Variants in SCD5 observed in about 807,000 individuals in gnomAD.
The protein encoded by SCD5 is acyl-CoA-desaturase 4.
A neutral mutation model predicts 30.4 loss-of-function variants in SCD5; 20 were observed. That is an observed-to-expected ratio of 0.66 (90% CI 0.46 to 0.96). The LOEUF is 0.96. Among genes scored for constraint, SCD5 ranks in the 40% least tolerant of loss-of-function variants. The pLI is 0.00. For missense variants in SCD5, 381 were observed against 443.3 expected, an observed-to-expected ratio of 0.86 and a Z score of 1.26; for synonymous variants, 173 against 176.4, an observed-to-expected ratio of 0.98 and a Z score of 0.16.
At chr4:82,683,852 C>T (rs1728634025) in intron 2 of SCD5, among the ~76,000 whole-genome samples, 1 of 152,332 alleles carries the variant, frequency 6.6e-6, no homozygotes, top group South Asian at 2.1e-4. Context: ...TCTCCTTCAC[C>T]TTCCACCGTG....
At chr4:82,684,337 CAA>C (rs1728649552) in intron 2 of SCD5, among the ~76,000 whole-genome samples, 1 of 152,004 alleles carries the variant, frequency 6.6e-6, no homozygotes, top group African/African-American at 2.4e-5. Context: ...AAAAATGACT[CAA>C]AGAATAAGAT....
intron 2 of SCD5, among the ~76,000 whole-genome samples, chr4:82,681,439 G>C (rs1269718798): frequency 1.3e-5 from 2 of 152,152 alleles, no homozygotes; most frequent in Non-Finnish European, 2.9e-5. Flanking sequence ...CATATACCCA[G>C]TAATGGCATT....
Position 82,796,371 on chromosome 4 carries a change from C to G in SCD5, c.232+1935G>C, listed in dbSNP as rs536307032. Among the ~76,000 whole-genome samples the G allele has an allele frequency of 5.9e-5, 9 of 151,986 alleles. No individual in the cohort carries two copies. The South Asian group carries it at 1.5e-3, about 25-fold the overall frequency. ...TGGGACATGAGTCACAAAGGGGAAA[C>G]CAGATTCCTTCAGTGTGTTAACTTC... On this transcript the variant is annotated intron_variant, in intron 1 of 4. Transcript: ENST00000319540.
Position 82,706,595 on chromosome 4 carries a change from A to G in SCD5, c.233-1182T>C, listed in dbSNP as rs148402435. 1.1e-3 allele frequency among the ~76,000 whole-genome samples: 167 copies of G among 152,396 alleles called. 1 individual carries two copies. The highest frequency in any genetic ancestry group is 2.0e-3 in the Non-Finnish European group (137 of 68,044). On this transcript the variant is annotated intron_variant, in intron 1 of 4. Transcript: ENST00000319540. ...CTGCCCTGTCTTCCCAGACATGAGA[A>G]TAAACACCTGAGCCAATCCTTTTCC... is the stretch of plus-strand genomic sequence containing the variant.
chr4:82,739,803 A>G (rs899934969), intron 1 of SCD5, among the ~76,000 whole-genome samples: 1 of 152,256 alleles, frequency 6.6e-6, no homozygotes, highest in Admixed American at 6.5e-5. Context: ...TTTTTTTAGC[A>G]CAGCATATTC....
At chr4:82,667,923 G>A (rs779056634) in intron 3 of SCD5, among the ~76,000 whole-genome samples, 19 of 152,090 alleles carry the variant, frequency 1.2e-4, no homozygotes, top group Non-Finnish European at 2.6e-4. Context: ...TCTCAAAAAT[G>A]GGAGATAAGA....
intron 3 of SCD5, among the ~76,000 whole-genome samples, chr4:82,649,936 C>T (rs1458022580): frequency 6.6e-6 from 1 of 152,178 alleles, no homozygotes; most frequent in African/African-American, 2.4e-5. Flanking sequence ...ACAGTGTGCT[C>T]ACAGAGCTTC....
At chr4:82,635,241 GA>G (rs1560520000) in intron 4 of SCD5, among the ~76,000 whole-genome samples, 1 of 152,204 alleles carries the variant, frequency 6.6e-6, no homozygotes, top group Admixed American at 6.6e-5. Flanking sequence ...TAACTGCTAT[GA>G]TTATCCCTGC....
intron 3 of SCD5, among the ~76,000 whole-genome samples, chr4:82,680,240 T>C (rs1414443035): frequency 6.6e-6 from 1 of 152,220 alleles, no homozygotes; most frequent in African/African-American, 2.4e-5. Context: ...TAGTGTAACG[T>C]TTCCATGAGT....
intron 1 of SCD5, among the ~76,000 whole-genome samples, chr4:82,768,033 C>T (rs1162803183): frequency 1.3e-5 from 2 of 152,166 alleles, no homozygotes; most frequent in African/African-American, 4.8e-5. Flanking sequence ...AAAGATCACA[C>T]CTGTCTCATT....
At chr4:82,638,222 C>A (rs890249049) in intron 3 of SCD5, among the ~76,000 whole-genome samples, 3 of 152,138 alleles carry the variant, frequency 2.0e-5, no homozygotes, top group African/African-American at 7.2e-5. Flanking sequence ...TTAGGACATG[C>A]CTCTTTTTAT....
At chr4:82,753,995 T>A (rs538377646) in intron 1 of SCD5, among the ~76,000 whole-genome samples, 1 of 152,162 alleles carries the variant, frequency 6.6e-6, no homozygotes, top group African/African-American at 2.4e-5. Context: ...TCAAGTACCC[T>A]GGCTCCTTAG....
intron 1 of SCD5, among the ~76,000 whole-genome samples, chr4:82,768,577 A>G (rs1189146189): frequency 6.6e-6 from 1 of 152,212 alleles, no homozygotes; most frequent in African/African-American, 2.4e-5. Flanking sequence ...ATCTGTAATG[A>G]AATGCATTAT....
chr4:82,703,939 C>T (rs897880032), intron 2 of SCD5, among the ~76,000 whole-genome samples: 9 of 152,204 alleles, frequency 5.9e-5, no homozygotes, highest in Non-Finnish European at 1.5e-5. Context: ...ATAGTTCACA[C>T]TGCCAGTGGT....
intron 1 of SCD5, among the ~76,000 whole-genome samples, chr4:82,792,554 C>A (rs1482959123): frequency 6.6e-5 from 10 of 152,068 alleles, no homozygotes; most frequent in Non-Finnish European, 1.5e-4. Context: ...CTACAAAAAA[C>A]CAACCAACAA....
intron 1 of SCD5, among the ~76,000 whole-genome samples, chr4:82,790,704 G>A (rs1344424399): frequency 1.3e-5 from 2 of 152,122 alleles, no homozygotes; most frequent in African/African-American, 4.8e-5. Context: ...GCCAGCGCTT[G>A]GCAGGTAATG....
chr4:82,747,322 T>G (rs952379129), intron 1 of SCD5, among the ~76,000 whole-genome samples: 2 of 152,216 alleles, frequency 1.3e-5, no homozygotes, highest in Admixed American at 6.5e-5. Flanking sequence ...AAACTGGCAC[T>G]TGGGAAGGTT....
At chr4:82,794,193 A>C (rs1722158442) in intron 1 of SCD5, among the ~76,000 whole-genome samples, 1 of 152,166 alleles carries the variant, frequency 6.6e-6, no homozygotes, top group African/African-American at 2.4e-5. Context: ...CCAGCAGGGC[A>C]CCAGAGAACG....
chr4:82,723,843 CAAAT>C (rs1720418947), intron 1 of SCD5, among the ~76,000 whole-genome samples: 1 of 152,122 alleles, frequency 6.6e-6, no homozygotes, highest in Non-Finnish European at 1.5e-5. Context: ...ACAATGAAAA[CAAAT>C]AACAATCAAA....
Sources: gnomAD v4.1 joint callset for allele counts (sites outside exome capture counted in the v4.1 genomes callset) on GRCh38, gnomAD v4.1.1 for gene constraint, MANE v1.5 for transcripts, NCBI Gene and HGNC (gene_info 2026-07-23, HGNC 2026-07-21) for gene names.